The following WDFY3 variants were observed in gnomAD, a reference collection of about 807,000 sequenced individuals.
WDFY3 encodes the protein WD repeat and FYVE domain-containing protein 3.
Under a neutral mutation model 409.6 loss-of-function variants are expected in WDFY3, and 66 were observed. The observed-to-expected ratio is 0.16, with a 90% CI of 0.13 to 0.20. WDFY3 has a LOEUF of 0.20. Among genes scored for constraint, WDFY3 ranks in the 10% least tolerant of loss-of-function variants. WDFY3 has a pLI of 1.00. For synonymous variants in WDFY3, 1,521 were observed against 1,537.1 expected, an observed-to-expected ratio of 0.99 and a Z score of 0.25; for missense variants, 3,031 against 4,298.1, an observed-to-expected ratio of 0.71 and a Z score of 8.24.
chr4:84,927,035 T>G (rs1354984728), intron 2 of WDFY3, among the ~76,000 whole-genome samples: 2 of 152,216 alleles, frequency 1.3e-5, no homozygotes, highest in Admixed American at 1.3e-4. Context: ...TACTATGACT[T>G]AAACGTCCAA....
At chr4:84,887,767 T>C (rs1764421262) in intron 3 of WDFY3, among the ~76,000 whole-genome samples, 1 of 152,216 alleles carries the variant, frequency 6.6e-6, no homozygotes, top group Non-Finnish European at 1.5e-5. Context: ...CCAAATCCAG[T>C]ACTCTTTTAT....
At chr4:84,707,863 C>T (rs1052837613) in intron 53 of WDFY3, among the ~76,000 whole-genome samples, 1 of 152,142 alleles carries the variant, frequency 6.6e-6, no homozygotes, top group Admixed American at 6.6e-5. Flanking sequence ...AACGTACACC[C>T]ATGCATATAG....
intron 45 of WDFY3, 58 bp from the exon 46 acceptor site, chr4:84,724,652 T>C: frequency 6.4e-7 from 1 of 1,566,022 alleles, no homozygotes; most frequent in East Asian, 2.3e-5. Context: ...TAAAACGTAA[T>C]ATTCTTGAGG....
intron 56 of WDFY3, 47 bp downstream of exon 56, chr4:84,702,306 A>C (rs1731185621): frequency 8.6e-6 from 13 of 1,506,768 alleles, no homozygotes; most frequent in Non-Finnish European, 1.2e-5. Flanking sequence ...TTTCTATTGG[A>C]CTTTTCCTGG....
chr4:84,920,222 C>T (rs1769095323), intron 2 of WDFY3, among the ~76,000 whole-genome samples: 1 of 152,112 alleles, frequency 6.6e-6, no homozygotes, highest in African/African-American at 2.4e-5. Flanking sequence ...CTAATTCCTA[C>T]ACTGGAGGAG....
Position 84,808,415 on chromosome 4 carries a change from C to T in WDFY3, c.2348G>A (p.Arg783His), listed in dbSNP as rs770119657. 3.4e-5 allele frequency: 55 copies of T among 1,613,290 alleles called. No homozygotes were observed. The highest frequency in any genetic ancestry group is 8.9e-5 in the East Asian group (4 of 44,860). ...YKVATDSFDS[R>H]AEQIPPCLTS... is the part of the protein sequence containing the mutation. ...CAGGCAAGGAGGGATCTGTTCTGCACGACTACAGACAACAAAACAGACAGG... is the reference window on the plus strand; with the variant it reads ...CAGGCAAGGAGGGATCTGTTCTGCATGACTACAGACAACAAAACAGACAGG... The change falls in exon 15 of 68, where the codon CGT becomes CAT. Residue 783 changes from arginine to histidine, a missense_variant and splice_region_variant. Physicochemically the swap from Arg to His is conservative, Grantham distance 29. Coordinates refer to ENST00000295888, the MANE Select transcript of WDFY3 (RefSeq NM_014991.6).
intron 30 of WDFY3, among the ~76,000 whole-genome samples, chr4:84,767,892 T>A (rs1743959059): frequency 6.6e-6 from 1 of 152,234 alleles, no homozygotes; most frequent in South Asian, 2.1e-4. Flanking sequence ...GAGACCAACC[T>A]GGGCAACATA....
At chr4:84,766,177 A>T in intron 31 of WDFY3, 75 bp downstream of exon 31, 1 of 1,507,576 alleles carries the variant, frequency 6.6e-7, no homozygotes, top group Non-Finnish European at 8.9e-7. Context: ...GTCAATGGCA[A>T]TTCCTTCTTT....
intron 3 of WDFY3, among the ~76,000 whole-genome samples, chr4:84,864,957 T>C (rs1047627723): frequency 6.6e-6 from 1 of 152,130 alleles, no homozygotes; most frequent in Non-Finnish European, 1.5e-5. Context: ...GTGCAATCAC[T>C]GTGCTCACTG....
At chr4:84,677,546 G>C (rs942396153) in intron 66 of WDFY3, 150 bp from the exon 67 acceptor site, 1 of 637,174 alleles carries the variant, frequency 1.6e-6, no homozygotes, top group African/African-American at 1.9e-5. Context: ...AGATGTATGT[G>C]TAAACAGACA....
chr4:84,847,904 T>C (rs1758343626), intron 5 of WDFY3, among the ~76,000 whole-genome samples: 1 of 148,458 alleles, frequency 6.7e-6, no homozygotes, highest in Admixed American at 6.7e-5. Context: ...AAACATTTTT[T>C]AAAATGAGAA....
intron 61 of WDFY3, among the ~76,000 whole-genome samples, chr4:84,688,783 A>T (rs1245348646): frequency 6.6e-6 from 1 of 152,190 alleles, no homozygotes; most frequent in African/African-American, 2.4e-5. Context: ...AGACAAAGCG[A>T]GAATGTAGTC....
intron 61 of WDFY3, 97 bp from the exon 62 acceptor site, chr4:84,688,362 A>G: frequency 8.1e-7 from 1 of 1,237,046 alleles, no homozygotes; most frequent in South Asian, 1.5e-5. Flanking sequence ...AAGCAGTGGC[A>G]CGCATGCTAG....
chr4:84,712,894 T>C (rs1733176197), intron 51 of WDFY3, among the ~76,000 whole-genome samples: 1 of 152,230 alleles, frequency 6.6e-6, no homozygotes, highest in Non-Finnish European at 1.5e-5. Flanking sequence ...TAAAAACTTG[T>C]ATTTAGAGTA....
chr4:84,875,376 G>C (rs1486945517), intron 3 of WDFY3, among the ~76,000 whole-genome samples: 7 of 152,128 alleles, frequency 4.6e-5, no homozygotes, highest in African/African-American at 1.7e-4. Flanking sequence ...GTTATGAATG[G>C]AGCTTGCAAG....
intron 13 of WDFY3, among the ~76,000 whole-genome samples, chr4:84,811,055 T>C (rs1752410146): frequency 6.6e-6 from 1 of 152,216 alleles, no homozygotes; most frequent in South Asian, 2.1e-4. Context: ...TGGAGTGCTA[T>C]GGCATGATCT....
rs976474821 is a variant in WDFY3, at chr4:84,775,282, GA to G, written c.4519-145del. ...AGTTCTATAAAACCACTTATATGCAGAAAAAAAATCATTATAAATTGGCCAA... is the reference window on the plus strand; with the variant it reads ...AGTTCTATAAAACCACTTATATGCAGAAAAAAATCATTATAAATTGGCCAA... On this transcript the variant is annotated intron_variant, in intron 27 of 67. Coordinates refer to ENST00000295888, the MANE Select transcript of WDFY3 (RefSeq NM_014991.6). 42 of 682,812 alleles carry G rather than the reference GA, an allele frequency of 6.2e-5. 2 individuals carry two copies. Among genetic ancestry groups the G allele is most frequent in the African/African-American group, 4.3e-4 (23 of 54,106 alleles). The allele number at this position is 682,812 out of a possible 1,614,324, so 42.3% of individuals were successfully genotyped here.
In WDFY3 at chr4:84,766,352, C is replaced by T. The variant is rs1405053704; in HGVS notation, c.4870G>A (p.Gly1624Ser). The T allele has an allele frequency of 1.3e-6, 2 of 1,595,836 alleles. No homozygotes were observed. Among genetic ancestry groups the T allele is most frequent in the Non-Finnish European group, 1.7e-6 (2 of 1,174,996 alleles). Residue 1624 changes from glycine to serine, a missense_variant, in exon 31 of 68, where the codon GGT becomes AGT. By Grantham distance (56) the Gly-to-Ser change is moderately conservative (BLOSUM62 0). Transcript: ENST00000295888. ...LDTGTEEEFG[G>S]LVSANLILLR... ...AGTATAAGATTAGCTGATACAAGAC[C>T]TCCAAACTCCTCTTCAGTTCCTAAA...
intron 3 of WDFY3, among the ~76,000 whole-genome samples, chr4:84,868,447 T>C (rs1395197915): frequency 1.3e-5 from 2 of 152,142 alleles, no homozygotes; most frequent in Non-Finnish European, 2.9e-5. Context: ...ATTTCTACCT[T>C]CTGAAGCATT....
Sources: allele counts gnomAD v4.1 joint callset (sites outside exome capture counted in the v4.1 genomes callset), GRCh38; gene constraint gnomAD v4.1.1; transcripts MANE v1.5; gene names NCBI Gene and HGNC (gene_info 2026-07-23, HGNC 2026-07-21).